DNM3: variants seen among roughly 807,000 people sequenced by gnomAD.
DNM3 encodes dynamin-3.
In DNM3, 47 loss-of-function variants were observed where a neutral mutation model predicts 101.6. The ratio of observed to expected loss-of-function variants is 0.46; its 90% CI spans 0.37 to 0.59. The LOEUF is 0.59. Among genes scored for constraint, DNM3 ranks in the 20% least tolerant of loss-of-function variants. The pLI is 0.00. For missense variants in DNM3, 849 were observed against 1,085.7 expected, an observed-to-expected ratio of 0.78 and a Z score of 3.06; for synonymous variants, 385 against 387.9, an observed-to-expected ratio of 0.99 and a Z score of 0.09.
chr1:171,922,684 G>C (rs151236897), intron 2 of DNM3, among the ~76,000 whole-genome samples: 128 of 152,298 alleles, frequency 8.4e-4, no homozygotes, highest in African/African-American at 3.0e-3. Flanking sequence ...TGTTTCTGCT[G>C]TCACCTCTTT....
Position 172,089,877 on chromosome 1 carries a change from G to T in DNM3, c.1494-2947G>T, listed in dbSNP as rs574296589. The stretch of plus-strand genomic sequence containing the variant: ...AATATTGGACCTAAAAGGAACCTAA[G>T]AAACAACTTGTTTAGTCCTCTAGCC... On this transcript the variant is annotated intron_variant, in intron 12 of 20. Transcript: ENST00000627582. Among the ~76,000 whole-genome samples the T allele has an allele frequency of 3.3e-5, 5 of 152,272 alleles. No homozygotes were observed. In the South Asian group the frequency reaches 1.0e-3, roughly 32 times the overall value.
At chr1:172,135,242 G>A (rs1004171356) in intron 14 of DNM3, among the ~76,000 whole-genome samples, 2 of 152,110 alleles carry the variant, frequency 1.3e-5, no homozygotes, top group Non-Finnish European at 2.9e-5. Context: ...GAGACCAGGA[G>A]ACATTGTTTG....
intron 1 of DNM3, among the ~76,000 whole-genome samples, chr1:171,902,922 G>A (rs1281306346): frequency 2.6e-5 from 4 of 152,138 alleles, no homozygotes; most frequent in Non-Finnish European, 5.9e-5. Context: ...GGAGGCTCAG[G>A]CGGGAAGATC....
At chr1:171,907,548 T>C (rs2038936070) in intron 1 of DNM3, among the ~76,000 whole-genome samples, 1 of 152,046 alleles carries the variant, frequency 6.6e-6, no homozygotes, top group Non-Finnish European at 1.5e-5. Flanking sequence ...TCAAAATTCT[T>C]CCATCACTCC....
intron 14 of DNM3, among the ~76,000 whole-genome samples, chr1:172,187,305 A>G (rs1008842216): frequency 1.8e-4 from 28 of 152,024 alleles, no homozygotes; most frequent in Admixed American, 1.7e-3. Context: ...ATTAATTTTT[A>G]CTATAAAATA....
chr1:172,068,870 C>T lies in DNM3; in HGVS notation c.1387C>T (p.His463Tyr). The T allele has an allele frequency of 6.4e-7, 1 of 1,572,514 alleles. No individual in the cohort carries two copies. Residue 463 changes from histidine to tyrosine, a missense_variant, in exon 11 of 21, where the codon CAC (histidine) becomes TAC (tyrosine). This residue lies in a region of DNM3 where 193 missense variants were observed against 238.4 expected (regional missense o/e 0.81). Transcript: ENST00000627582. ...CEETERIVAN[H>Y]IREREGKTKD... ...GGAAACGGAAAGGATTGTTGCTAAC[C>T]ACATTCGTGAGCGAGAAGGGAAGAC...
At chr1:172,100,546 G>A (rs1053403476) in intron 13 of DNM3, among the ~76,000 whole-genome samples, 14 of 152,076 alleles carry the variant, frequency 9.2e-5, no homozygotes, top group Non-Finnish European at 1.6e-4. Flanking sequence ...CAGTCCTCTC[G>A]CCTTTCTCCG....
At position 171,921,789 on chromosome 1, in the gene DNM3, C is replaced by A; in HGVS notation, c.203C>A (p.Pro68His). ...PRGSGIVTRR[P>H]LVLQLVTSKA... ...GGGTCGGGCATTGTAACAAGACGAC[C>A]TCTTGTGCTGCAGCTTGTTACTTCT... Residue 68 changes from proline (P) to histidine (H), a missense_variant, in exon 2 of 21, where the codon CCT becomes CAT. Pro to His is a moderately conservative substitution (Grantham distance 77). Coordinates refer to ENST00000627582, the MANE Select transcript of DNM3 (RefSeq NM_015569.5). 6.2e-7 allele frequency: 1 copy of A among 1,602,824 alleles called. No individual in the cohort carries two copies.
intron 20 of DNM3, among the ~76,000 whole-genome samples, chr1:172,394,699 A>G (rs1228713856): frequency 1.3e-5 from 2 of 152,172 alleles, no homozygotes; most frequent in Non-Finnish European, 2.9e-5. Context: ...GTTTCACCTG[A>G]CTGATAGAGG....
intron 13 of DNM3, among the ~76,000 whole-genome samples, chr1:172,122,904 A>T (rs2056406486): frequency 6.6e-6 from 1 of 152,176 alleles, no homozygotes; most frequent in Non-Finnish European, 1.5e-5. Flanking sequence ...TCGGGGAGGA[A>T]AATGTTCCTT....
intron 14 of DNM3, among the ~76,000 whole-genome samples, chr1:172,168,111 GAAT>G (rs1256129582): frequency 6.6e-6 from 1 of 151,928 alleles, no homozygotes; most frequent in Non-Finnish European, 1.5e-5. Context: ...CCCTATTTCA[GAAT>G]AAAACAAACA....
At chr1:172,032,524 G>GA in intron 5 of DNM3, 24 bp downstream of exon 5, 15 of 455,412 alleles carry the variant, frequency 3.3e-5, no homozygotes, top group Non-Finnish European at 4.8e-5. Flanking sequence ...GTCTATACAA[G>GA]ACTTTTTTTT....
chr1:172,344,086 G>A (rs1229600223), intron 17 of DNM3, among the ~76,000 whole-genome samples: 3 of 152,134 alleles, frequency 2.0e-5, no homozygotes, highest in East Asian at 1.9e-4. Context: ...TGAGCAGCTC[G>A]AATGTAGCCA....
intron 14 of DNM3, among the ~76,000 whole-genome samples, chr1:172,240,295 C>T (rs1473731682): frequency 6.6e-6 from 1 of 152,140 alleles, no homozygotes; most frequent in Admixed American, 6.6e-5. Context: ...TGCTTTTCTC[C>T]TTAGTGCTGC....
intron 1 of DNM3, among the ~76,000 whole-genome samples, chr1:171,904,920 G>A (rs772238475): frequency 7.2e-5 from 11 of 152,072 alleles, no homozygotes; most frequent in Non-Finnish European, 1.3e-4. Context: ...TTCTCCAGGG[G>A]GATTGCGCTG....
chr1:172,289,143 G>A (rs1405368897), intron 15 of DNM3, among the ~76,000 whole-genome samples: 1 of 152,076 alleles, frequency 6.6e-6, no homozygotes, highest in Non-Finnish European at 1.5e-5. Flanking sequence ...GTCCTGTATA[G>A]CCTATTCATT....
At chr1:172,176,804 G>A (rs1300170376) in intron 14 of DNM3, among the ~76,000 whole-genome samples, 1 of 151,778 alleles carries the variant, frequency 6.6e-6, no homozygotes, top group East Asian at 1.9e-4. Context: ...CCTTCTCAGT[G>A]GGGAACCCCA....
intron 15 of DNM3, among the ~76,000 whole-genome samples, chr1:172,261,962 T>C (rs2062672003): frequency 5.9e-5 from 9 of 151,882 alleles, no homozygotes; most frequent in Admixed American, 5.9e-4. Context: ...TATGCTCAGG[T>C]AAAGGGGGAA....
intron 10 of DNM3, among the ~76,000 whole-genome samples, chr1:172,056,403 G>C (rs563970205): frequency 4.3e-4 from 65 of 152,324 alleles, no homozygotes; most frequent in South Asian, 1.0e-3. Context: ...CACAGACAAA[G>C]AAAAAGACAG....
Sources: gnomAD v4.1 joint callset for allele counts (sites outside exome capture counted in the v4.1 genomes callset) on GRCh38, gnomAD v4.1.1 for gene constraint, gnomAD v4.1.1 regional missense constraint, MANE v1.5 for transcripts, NCBI Gene and HGNC (gene_info 2026-07-23, HGNC 2026-07-21) for gene names.